INPP4A: variants seen among roughly 807,000 people sequenced by gnomAD.
INPP4A encodes the protein inositol polyphosphate-4-phosphatase, type I, 107kD.
INPP4A carries 33 observed loss-of-function variants against 119.8 expected under a neutral mutation model. That is an observed-to-expected ratio of 0.28 (90% CI 0.21 to 0.37). The LOEUF (loss-of-function observed/expected upper bound fraction) is 0.37, where lower values mean the gene tolerates loss of function less well. INPP4A is among the 10% of genes least tolerant of loss of function. The probability of loss-of-function intolerance (pLI) is 1.00; values close to 1 mark genes in which losing one functional copy is unlikely to be tolerated. For missense variants in INPP4A, 956 were observed against 1,289.9 expected (o/e 0.74, Z 3.97); for synonymous variants, 496 against 500.7 (o/e 0.99, Z 0.12).
intron 1 of INPP4A, among the ~76,000 whole-genome samples, chr2:98,485,031 C>T (rs1003860185): frequency 6.6e-6 from 1 of 151,598 alleles, no homozygotes; most frequent in Admixed American, 6.6e-5. Flanking sequence ...CTTGGCTGGC[C>T]TCTTGAAGCG....
chr2:98,544,809 A>G (rs188366206), intron 11 of INPP4A, among the ~76,000 whole-genome samples: 6 of 152,342 alleles, frequency 3.9e-5, no homozygotes, highest in Admixed American at 3.9e-4. Flanking sequence ...CATAAACTTG[A>G]ATGAGAAGAA....
intron 4 of INPP4A, among the ~76,000 whole-genome samples, chr2:98,525,149 A>T (rs1018910537): frequency 6.6e-6 from 1 of 152,030 alleles, no homozygotes; most frequent in Admixed American, 6.6e-5. Context: ...TTAGGACTCC[A>T]TTTTTTTGCT....
At chr2:98,449,302 G>C (rs1694828922) in intron 1 of INPP4A, among the ~76,000 whole-genome samples, 1 of 152,146 alleles carries the variant, frequency 6.6e-6, no homozygotes, top group African/African-American at 2.4e-5. Context: ...ATATTTATTA[G>C]TTGGAACTGT....
intron 1 of INPP4A, among the ~76,000 whole-genome samples, chr2:98,487,108 T>C (rs555606913): frequency 2.1e-4 from 32 of 152,268 alleles, no homozygotes; most frequent in Non-Finnish European, 2.5e-4. Context: ...AGTTCTCCCA[T>C]ATGATACCTC....
rs577246910 is a variant in INPP4A, at chr2:98,496,557, A to G, written c.-165-22407A>G. 4.6e-5 allele frequency among the ~76,000 whole-genome samples: 7 copies of G among 152,354 alleles called. No homozygotes were observed. The East Asian group carries it at 1.4e-3, about 29-fold the overall frequency. The stretch of plus-strand genomic sequence containing the variant: ...TTAAGCTAAAAAGCTTCTGCACAGC[A>G]AAGGAAACAACAAAGTGAAAAGACA... On this transcript the variant is annotated intron_variant, in intron 1 of 24. Coordinates refer to ENST00000409851, the MANE Select transcript of INPP4A (RefSeq NM_001134225.2).
chr2:98,520,234 G>A (rs2105734218), intron 3 of INPP4A, 80 bp downstream of exon 3: 1 of 1,086,614 alleles, frequency 9.2e-7, no homozygotes, highest in African/African-American at 1.6e-5. Context: ...GTGCTGGCAG[G>A]TACCCAATGA....
rs559906447 is a variant in INPP4A at position 98,588,409 on chromosome 2, G to A, written c.*801G>A. 3.5e-5 allele frequency: 7 copies of A among 201,104 alleles called. No individual in the cohort carries two copies. The East Asian group carries it at 5.5e-4, about 16-fold the overall frequency. The allele number at this position is 201,104 out of a possible 1,614,324, so 12.5% of individuals were successfully genotyped here. On this transcript the variant is annotated 3_prime_UTR_variant, in exon 25 of 25. Coordinates refer to ENST00000409851, the MANE Select transcript of INPP4A (RefSeq NM_001134225.2). ...ACACATCTCCCCTTCTTCTCTAGAT[G>A]TTAATGTAGGGCCTCAGATGTGGCA...
rs2106583862 is a variant in INPP4A, at chr2:98,592,890, GT to G, written c.*5283del. ...GGTGGGGGCTACACCGTGCTCTGCA[GT>G]GTAGTGGGATCCTGTGAGCTGGCCT... On this transcript the variant is annotated 3_prime_UTR_variant, in exon 25 of 25. Transcript: ENST00000409851. 6.6e-6 allele frequency: 1 copy of G among 152,530 alleles called. No individual in the cohort carries two copies. The highest frequency in any genetic ancestry group is 2.1e-4 in the South Asian group (1 of 4,832). 9.4% of individuals were successfully genotyped at this position (152,530 alleles called of 1,614,324 possible). A position where few individuals can be genotyped will look rare whatever the true frequency, so the allele number is the denominator to read the frequency against.
intron 1 of INPP4A, among the ~76,000 whole-genome samples, chr2:98,481,287 G>T (rs1207211420): frequency 6.6e-6 from 1 of 152,176 alleles, no homozygotes; most frequent in African/African-American, 2.4e-5. Context: ...GACCTGGTGT[G>T]ATCCTGTGTG....
chr2:98,503,790 TC>T (rs1279661186), intron 1 of INPP4A, among the ~76,000 whole-genome samples: 1 of 152,192 alleles, frequency 6.6e-6, no homozygotes, highest in African/African-American at 2.4e-5. Flanking sequence ...AGACTCCTTC[TC>T]CTGCAGGCAG....
intron 1 of INPP4A, among the ~76,000 whole-genome samples, chr2:98,458,793 G>A (rs959747454): frequency 6.6e-6 from 1 of 152,146 alleles, no homozygotes; most frequent in African/African-American, 2.4e-5. Context: ...TGGCCAGGGG[G>A]GATGTGGCTC....
At chr2:98,565,191 T>C (rs573089951) in intron 19 of INPP4A, among the ~76,000 whole-genome samples, 2 of 152,358 alleles carry the variant, frequency 1.3e-5, no homozygotes, top group Admixed American at 6.5e-5. Flanking sequence ...TTATTATTTA[T>C]TTATTCTGAG....
chr2:98,513,472 C>G (rs927304567), intron 1 of INPP4A, among the ~76,000 whole-genome samples: 1 of 152,382 alleles, frequency 6.6e-6, no homozygotes, highest in Middle Eastern at 3.4e-3. Context: ...CTCACTCACT[C>G]ACTCACTCAC....
intron 5 of INPP4A, among the ~76,000 whole-genome samples, chr2:98,534,536 G>A (rs962944738): frequency 3.9e-5 from 6 of 152,170 alleles, no homozygotes; most frequent in African/African-American, 7.2e-5. Flanking sequence ...GTAGCCAGTC[G>A]GGGGACTCCA....
chr2:98,461,668 G>A (rs1346071496), intron 1 of INPP4A, among the ~76,000 whole-genome samples: 1 of 152,224 alleles, frequency 6.6e-6, no homozygotes, highest in Admixed American at 6.5e-5. Context: ...CCAATGCCAT[G>A]TGCTTGTTGG....
At chr2:98,492,165 C>T (rs976559421) in intron 1 of INPP4A, among the ~76,000 whole-genome samples, 4 of 151,994 alleles carry the variant, frequency 2.6e-5, no homozygotes, top group African/African-American at 4.8e-5. Context: ...CTGGGATTAC[C>T]GGTGTGAGCC....
Position 98,531,721 on chromosome 2 carries a change from G to A in INPP4A, c.152-1656G>A, listed in dbSNP as rs369108508. ...AGGGCTTAGAGAAAATGACTACTTA[G>A]AGAACATTTCCTTCAAGAAGTAAGG... On this transcript the variant is annotated intron_variant, in intron 4 of 24. Coordinates refer to ENST00000409851, the MANE Select transcript of INPP4A (RefSeq NM_001134225.2). Among the ~76,000 whole-genome samples, 24 of 152,288 alleles carry A rather than the reference G, an allele frequency of 1.6e-4. No homozygotes were observed. In the South Asian group the frequency reaches 2.1e-3, roughly 13 times the overall value.
chr2:98,493,426 ATTTTTTTT>A (rs371958433), intron 1 of INPP4A, among the ~76,000 whole-genome samples: 1 of 123,088 alleles, frequency 8.1e-6, no homozygotes, highest in East Asian at 2.4e-4. Context: ...TTCTATTTCT[ATTTTTTTT>A]TTTTTTTTTT....
At chr2:98,473,455 G>C (rs1676565685) in intron 1 of INPP4A, among the ~76,000 whole-genome samples, 1 of 151,702 alleles carries the variant, frequency 6.6e-6, no homozygotes, top group Non-Finnish European at 1.5e-5. Context: ...GAGGAGGACA[G>C]TGTGGGGACA....
Sources: gnomAD v4.1 joint callset for allele counts (sites outside exome capture counted in the v4.1 genomes callset) on GRCh38, gnomAD v4.1.1 for gene constraint, MANE v1.5 for transcripts, NCBI Gene and HGNC (gene_info 2026-07-23, HGNC 2026-07-21) for gene names.